The following CTDSPL variants were observed in gnomAD, a reference collection of about 807,000 sequenced individuals.
CTDSPL encodes the protein CTD small phosphatase-like protein.
Under a neutral mutation model 30.5 loss-of-function variants are expected in CTDSPL, and 8 were observed. The observed-to-expected ratio is 0.26, with a 90% CI of 0.15 to 0.47. The LOEUF is 0.47. Among genes scored for constraint, CTDSPL ranks in the 20% least tolerant of loss-of-function variants. The pLI, the probability that CTDSPL is intolerant of heterozygous loss-of-function variation, is 0.99. For missense variants in CTDSPL, 248 were observed against 366.1 expected, an observed-to-expected ratio of 0.68 and a Z score of 2.63; for synonymous variants, 110 against 137.9, an observed-to-expected ratio of 0.80 and a Z score of 1.42.
Position 37,928,387 on chromosome 3 carries a change from A to G in CTDSPL, c.80-18670A>G, listed in dbSNP as rs115770509. Among the ~76,000 whole-genome samples, 1,491 of 152,254 alleles carry G rather than the reference A, an allele frequency of 9.8e-3. 12 individuals carry two copies. The highest frequency in any genetic ancestry group is 0.034 in the South Asian group (166 of 4,820). ...TCAGTTCCTCCACATCCTAGGCAAAACTTATTTTTCTTTTTCTGTTTTTGA... is the reference window on the plus strand; with the variant it reads ...TCAGTTCCTCCACATCCTAGGCAAAGCTTATTTTTCTTTTTCTGTTTTTGA... On this transcript the variant is annotated intron_variant, in intron 1 of 7. Coordinates refer to ENST00000273179, the MANE Select transcript of CTDSPL (RefSeq NM_001008392.2).
chr3:37,890,898 G>GATGGA (rs1698317991), intron 1 of CTDSPL, among the ~76,000 whole-genome samples: 1 of 152,140 alleles, frequency 6.6e-6, no homozygotes, highest in Non-Finnish European at 1.5e-5. Flanking sequence ...TTAGAAAACG[G>GATGGA]TTTTGCCACC....
chr3:37,918,814 GT>G (rs747953140), intron 1 of CTDSPL, among the ~76,000 whole-genome samples: 28 of 152,242 alleles, frequency 1.8e-4, no homozygotes, highest in Middle Eastern at 3.4e-3. Context: ...CAAACTGTAT[GT>G]GATCTGGGCC....
intron 1 of CTDSPL, among the ~76,000 whole-genome samples, chr3:37,863,731 T>C (rs1199941937): frequency 6.6e-6 from 1 of 152,044 alleles, no homozygotes; most frequent in Admixed American, 6.5e-5. Context: ...ATATTCTGCC[T>C]CTCCTCAGGC....
intron 1 of CTDSPL, among the ~76,000 whole-genome samples, chr3:37,878,488 T>C (rs957319486): frequency 3.9e-5 from 6 of 152,254 alleles, no homozygotes; most frequent in Non-Finnish European, 8.8e-5. Flanking sequence ...TCAATGACTA[T>C]ATATATGTGT....
intron 1 of CTDSPL, among the ~76,000 whole-genome samples, chr3:37,920,729 G>A (rs549069623): frequency 4.6e-5 from 7 of 152,324 alleles, no homozygotes; most frequent in Admixed American, 2.0e-4. Context: ...TGGCTTAAGC[G>A]CATACTTCCA....
chr3:37,957,857 C>G (rs1451625398), intron 3 of CTDSPL, among the ~76,000 whole-genome samples: 1 of 152,214 alleles, frequency 6.6e-6, no homozygotes, highest in East Asian at 1.9e-4. Flanking sequence ...GCCACCCAGC[C>G]TGAGGCCAGT....
chr3:37,932,111 G>T (rs1354539369), intron 1 of CTDSPL, among the ~76,000 whole-genome samples: 1 of 152,018 alleles, frequency 6.6e-6, no homozygotes, highest in Non-Finnish European at 1.5e-5. Context: ...ATTTGAACAG[G>T]ATAACCAAAT....
At chr3:37,900,957 C>T (rs1031760882) in intron 1 of CTDSPL, among the ~76,000 whole-genome samples, 24 of 152,000 alleles carry the variant, frequency 1.6e-4, no homozygotes, top group African/African-American at 5.6e-4. Context: ...ATCACCACGC[C>T]GGCTAATTTT....
chr3:37,885,025 G>C (rs1698248310), intron 1 of CTDSPL, among the ~76,000 whole-genome samples: 1 of 152,180 alleles, frequency 6.6e-6, no homozygotes, highest in Admixed American at 6.5e-5. Flanking sequence ...GCCCAACAGA[G>C]CATGATTGGT....
At chr3:37,928,633 GT>G (rs1698813911) in intron 1 of CTDSPL, among the ~76,000 whole-genome samples, 2 of 152,044 alleles carry the variant, frequency 1.3e-5, no homozygotes, top group Non-Finnish European at 2.9e-5. Flanking sequence ...TTGTGGTTTG[GT>G]TTTTGTTGTC....
chr3:37,968,392 A>G (rs1699324580), intron 5 of CTDSPL: 1 of 308,078 alleles, frequency 3.2e-6, no homozygotes, highest in Non-Finnish European at 6.6e-6. Context: ...GAGTTTTCGG[A>G]TCCGCAGGCT....
intron 5 of CTDSPL, 79 bp from the exon 6 acceptor site, chr3:37,971,327 TC>T: frequency 7.8e-7 from 1 of 1,274,036 alleles, no homozygotes. Context: ...TAGCAATTCT[TC>T]CTACAGTGGG....
chr3:37,945,578 T>C (rs1020990656), intron 1 of CTDSPL, among the ~76,000 whole-genome samples: 1 of 152,190 alleles, frequency 6.6e-6, no homozygotes, highest in African/African-American at 2.4e-5. Flanking sequence ...TGCCTGGCGG[T>C]CCCAATGGCC....
chr3:37,975,024 G>A lies in CTDSPL; in HGVS notation c.520-685G>A, dbSNP rs1356383250. ...CCCACATAGTACTCCACTCTGTGAG[G>A]GAAACAACCCAGAAAGGAAGATAGA... On this transcript the variant is annotated intron_variant, in intron 6 of 7. Coordinates refer to ENST00000273179, the MANE Select transcript of CTDSPL (RefSeq NM_001008392.2). This position sits in a 1 kb window ranked among gnomAD's most constrained non-coding sequence, Gnocchi z 4.9. Among the ~76,000 whole-genome samples the A allele has an allele frequency of 1.3e-5, 2 of 152,192 alleles. No homozygotes were observed. The highest frequency in any genetic ancestry group is 2.9e-5 in the Non-Finnish European group (2 of 68,024).
At chr3:37,947,373 A>G (rs927561718) in intron 2 of CTDSPL, among the ~76,000 whole-genome samples, 162 bp downstream of exon 2, 1 of 152,176 alleles carries the variant, frequency 6.6e-6, no homozygotes. Context: ...AGCCTGGCCA[A>G]TATAGTGAAA....
Position 37,862,281 on chromosome 3 carries a change from G to A in CTDSPL, c.79+3G>A, listed in dbSNP as rs1291666001. Reference sequence around the variant, plus strand: ...GTTGCCGGGCGCGGGCGAGAAAGGTGAGGAGGGGCGCAGGCGGCCGCGGGC... The same window carrying A: ...GTTGCCGGGCGCGGGCGAGAAAGGTAAGGAGGGGCGCAGGCGGCCGCGGGC... On this transcript the variant is annotated splice_donor_region_variant and intron_variant, in intron 1 of 7. Transcript: ENST00000273179. The surrounding 1 kb of genome is among the most constrained non-coding windows in gnomAD (Gnocchi z 4.3). The A allele has an allele frequency of 1.3e-6, 2 of 1,492,558 alleles. No individual in the cohort carries two copies. Among genetic ancestry groups the A allele is most frequent in the Non-Finnish European group, 1.8e-6 (2 of 1,124,422 alleles). The allele number at this position is 1,492,558 out of a possible 1,614,324, so 92.5% of individuals were successfully genotyped here.
chr3:37,977,394 C>T (rs758241613), intron 7 of CTDSPL, among the ~76,000 whole-genome samples: 11 of 151,966 alleles, frequency 7.2e-5, no homozygotes, highest in Non-Finnish European at 1.5e-4. Flanking sequence ...TCTCCCTTTC[C>T]TCCCCTTTTC....
intron 1 of CTDSPL, among the ~76,000 whole-genome samples, chr3:37,934,938 T>A (rs1698897944): frequency 6.6e-6 from 1 of 151,756 alleles, no homozygotes; most frequent in African/African-American, 2.4e-5. Flanking sequence ...AAGGTCCCTG[T>A]ACCCCTGGAG....
intron 1 of CTDSPL, among the ~76,000 whole-genome samples, chr3:37,917,675 G>A (rs1698665084): frequency 6.6e-6 from 1 of 152,164 alleles, no homozygotes; most frequent in Admixed American, 6.5e-5. Context: ...AACTTTCAGA[G>A]GGATATAAAG....
Sources: allele counts gnomAD v4.1 joint callset (sites outside exome capture counted in the v4.1 genomes callset), GRCh38; gene constraint gnomAD v4.1.1; non-coding constraint Gnocchi (gnomAD v3.1); transcripts MANE v1.5; gene names NCBI Gene and HGNC (gene_info 2026-07-23, HGNC 2026-07-21).